Variants in GABRB2 observed in about 807,000 individuals in gnomAD.
The protein encoded by GABRB2 is gamma-aminobutyric acid receptor subunit beta-2.
Under a neutral mutation model 54.7 loss-of-function variants are expected in GABRB2, and 16 were observed. The observed-to-expected ratio is 0.29, with a 90% CI of 0.20 to 0.44. The LOEUF is 0.44. Ranked by LOEUF, GABRB2 falls within the 20% of genes least tolerant of loss-of-function variation. The probability of loss-of-function intolerance (pLI) is 1.00; values close to 1 mark genes in which losing one functional copy is unlikely to be tolerated. For synonymous variants in GABRB2, 244 were observed against 233.8 expected, an observed-to-expected ratio of 1.04 and a Z score of -0.40; for missense variants, 355 against 644.0, an observed-to-expected ratio of 0.55 and a Z score of 4.86.
chr5:161,510,914 TA>T (rs1759747485), intron 3 of GABRB2, among the ~76,000 whole-genome samples: 1 of 151,944 alleles, frequency 6.6e-6, no homozygotes, highest in Non-Finnish European at 1.5e-5. Context: ...GTAATATCCA[TA>T]GTTGCTTAGA....
At chr5:161,478,097 T>G (rs1269679483) in intron 3 of GABRB2, among the ~76,000 whole-genome samples, 1 of 152,044 alleles carries the variant, frequency 6.6e-6, no homozygotes, top group Non-Finnish European at 1.5e-5. Context: ...GGAGCTATTC[T>G]TCCCCTCTCC....
chr5:161,534,354 G>T lies in GABRB2; in HGVS notation c.237+10873C>A, dbSNP rs184190725. ...GCCAAGGTAAAGAAAACCTGCTATA[G>T]AATGATTATAAAACAAATAATTGCC... On this transcript the variant is annotated intron_variant, in intron 3 of 9. Coordinates refer to ENST00000393959, the MANE Select transcript of GABRB2 (RefSeq NM_001371727.1). Among the ~76,000 whole-genome samples the T allele has an allele frequency of 2.6e-3, 398 of 152,280 alleles. 1 individual carries two copies. The highest frequency in any genetic ancestry group is 3.8e-3 in the Non-Finnish European group (260 of 68,010).
At chr5:161,426,548 G>T (rs572524989) in intron 4 of GABRB2, among the ~76,000 whole-genome samples, 7 of 152,122 alleles carry the variant, frequency 4.6e-5, no homozygotes, top group African/African-American at 1.4e-4. Flanking sequence ...GTAATGCAGG[G>T]TTGTTTAAAA....
chr5:161,318,983 T>C (rs1013758991), intron 9 of GABRB2, among the ~76,000 whole-genome samples: 3 of 152,006 alleles, frequency 2.0e-5, no homozygotes, highest in African/African-American at 7.2e-5. Flanking sequence ...CTTCCCAAAC[T>C]TCTCATATTG....
intron 9 of GABRB2, among the ~76,000 whole-genome samples, chr5:161,298,914 T>C (rs1241076480): frequency 6.6e-6 from 1 of 152,148 alleles, no homozygotes; most frequent in Admixed American, 6.6e-5. Context: ...AATACAAGTT[T>C]ATGTACTGAA....
chr5:161,420,491 A>C (rs938789463), intron 4 of GABRB2, among the ~76,000 whole-genome samples: 3 of 152,182 alleles, frequency 2.0e-5, no homozygotes, highest in Non-Finnish European at 2.9e-5. Context: ...GCTTCAGGGC[A>C]GATGTGGCCA....
intron 3 of GABRB2, among the ~76,000 whole-genome samples, chr5:161,505,183 C>T (rs1759569375): frequency 6.6e-6 from 1 of 151,032 alleles, no homozygotes; most frequent in South Asian, 2.1e-4. Context: ...GGCTGGAGTC[C>T]AATGGCACCA....
At chr5:161,359,715 T>C (rs1006349405) in intron 5 of GABRB2, among the ~76,000 whole-genome samples, 2 of 152,202 alleles carry the variant, frequency 1.3e-5, no homozygotes, top group Admixed American at 1.3e-4. Context: ...ATAACTGGGA[T>C]TTTTATTAGG....
intron 3 of GABRB2, among the ~76,000 whole-genome samples, chr5:161,539,476 G>A (rs1760745926): frequency 3.3e-5 from 5 of 152,098 alleles, no homozygotes; most frequent in Admixed American, 3.3e-4. Context: ...AATTTTCCTG[G>A]AACTTCTTTA....
intron 4 of GABRB2, among the ~76,000 whole-genome samples, chr5:161,449,979 T>C (rs1249319296): frequency 6.6e-6 from 1 of 152,190 alleles, no homozygotes; most frequent in African/African-American, 2.4e-5. Flanking sequence ...CAATGCTATA[T>C]ATAGATATTT....
intron 4 of GABRB2, among the ~76,000 whole-genome samples, chr5:161,415,379 T>C (rs926828284): frequency 2.0e-5 from 3 of 152,218 alleles, no homozygotes; most frequent in African/African-American, 7.2e-5. Context: ...TTTTACTACT[T>C]AGCCATTGGG....
intron 5 of GABRB2, among the ~76,000 whole-genome samples, chr5:161,406,209 T>C (rs1756345086): frequency 6.6e-6 from 1 of 152,108 alleles, no homozygotes; most frequent in Non-Finnish European, 1.5e-5. Context: ...TGTCAAAATG[T>C]TTTAAAATAC....
At chr5:161,338,523 C>T (rs1754058759) in intron 5 of GABRB2, among the ~76,000 whole-genome samples, 5 of 152,108 alleles carry the variant, frequency 3.3e-5, no homozygotes, top group Admixed American at 2.6e-4. Context: ...CACAGTGGCT[C>T]ATGCCTGTAA....
At chr5:161,512,267 G>A (rs1331246261) in intron 3 of GABRB2, among the ~76,000 whole-genome samples, 1 of 151,812 alleles carries the variant, frequency 6.6e-6, no homozygotes, top group East Asian at 1.9e-4. Flanking sequence ...GAAAAAAAGA[G>A]CCTGAATAGC....
intron 3 of GABRB2, among the ~76,000 whole-genome samples, chr5:161,511,840 A>T (rs778469008): frequency 5.3e-5 from 8 of 152,014 alleles, no homozygotes; most frequent in African/African-American, 1.9e-4. Context: ...CACTGGTCAT[A>T]CTGAATTAGG....
intron 4 of GABRB2, among the ~76,000 whole-genome samples, chr5:161,430,923 C>A (rs1322738560): frequency 6.6e-6 from 1 of 152,088 alleles, no homozygotes; most frequent in African/African-American, 2.4e-5. Flanking sequence ...TAATTCATTA[C>A]AAGATAGAAG....
At chr5:161,385,380 T>C (rs1461590637) in intron 5 of GABRB2, among the ~76,000 whole-genome samples, 1 of 152,228 alleles carries the variant, frequency 6.6e-6, no homozygotes, top group Non-Finnish European at 1.5e-5. Flanking sequence ...TGTGGTAATA[T>C]GTAGAAGCTC....
At chr5:161,517,223 C>T (rs539520974) in intron 3 of GABRB2, among the ~76,000 whole-genome samples, 82 of 152,250 alleles carry the variant, frequency 5.4e-4, no homozygotes, top group Non-Finnish European at 9.0e-4. Flanking sequence ...AAATATCTTA[C>T]ATCATTCTGG....
At chr5:161,479,870 G>A (rs1758706629) in intron 3 of GABRB2, among the ~76,000 whole-genome samples, 1 of 152,020 alleles carries the variant, frequency 6.6e-6, no homozygotes, top group Non-Finnish European at 1.5e-5. Context: ...TTACAGGTGT[G>A]AGTCACCGCA....
Sources: allele counts gnomAD v4.1 joint callset (sites outside exome capture counted in the v4.1 genomes callset), GRCh38; gene constraint gnomAD v4.1.1; transcripts MANE v1.5; gene names NCBI Gene and HGNC (gene_info 2026-07-23, HGNC 2026-07-21).